The following SPPL2A variants were observed in gnomAD, a reference collection of about 807,000 sequenced individuals.
SPPL2A encodes signal peptide peptidase like 2A.
In SPPL2A, 51 loss-of-function variants were observed where a neutral mutation model predicts 63.8. The ratio of observed to expected loss-of-function variants is 0.80; its 90% CI spans 0.64 to 1.01. The LOEUF is 1.01. SPPL2A is among the 50% of genes least tolerant of loss of function. The probability of loss-of-function intolerance (pLI) is 0.00; values close to 1 mark genes in which losing one functional copy is unlikely to be tolerated. For missense variants in SPPL2A, 553 were observed against 622.7 expected (o/e 0.89, Z 1.19); for synonymous variants, 188 against 205.8 (o/e 0.91, Z 0.74).
chr15:50,726,024 G>C (rs1247365558), intron 11 of SPPL2A: 1 of 1,205,714 alleles, frequency 8.3e-7, no homozygotes, highest in Non-Finnish European at 1.1e-6. Flanking sequence ...TCTTGTCTCA[G>C]AGGGTATGAT....
chr15:50,713,532 T>G (rs2062576616), intron 14 of SPPL2A, among the ~76,000 whole-genome samples: 1 of 152,116 alleles, frequency 6.6e-6, no homozygotes, highest in South Asian at 2.1e-4. Context: ...CCCAAAGTGC[T>G]GGGATTACAG....
At position 50,748,694 on chromosome 15, in the gene SPPL2A, A is replaced by G. The variant is rs2141052059; in HGVS notation, c.354T>C (p.Ser118=). ...GATTGTTTTTATAACTTACTAGGAC[A>G]CTGTTATTGACAACTAACATTGCTT... ...GAEAMLVVNN[S]VLFPPSGNRS... is the part of the protein sequence containing the mutation. The change falls in exon 3 of 15, where the codon AGT becomes AGC. Residue 118 remains serine (S), a synonymous_variant. Transcript: ENST00000261854. The G allele has an allele frequency of 1.3e-6, 2 of 1,581,882 alleles. No individual in the cohort carries two copies. The highest frequency in any genetic ancestry group is 1.7e-6 in the Non-Finnish European group (2 of 1,166,864).
intron 12 of SPPL2A, 44 bp downstream of exon 12, chr15:50,725,174 AATC>A (rs1394425892): frequency 9.0e-7 from 1 of 1,110,944 alleles, no homozygotes; most frequent in Non-Finnish European, 1.4e-6. Flanking sequence ...GACGATTTAA[AATC>A]ATCAGTGTTT....
chr15:50,715,088 G>A (rs1293494331), intron 14 of SPPL2A, among the ~76,000 whole-genome samples: 3 of 151,664 alleles, frequency 2.0e-5, no homozygotes, highest in Admixed American at 6.6e-5. Context: ...TGCCTCCCAG[G>A]TTCAAAAGAT....
At chr15:50,748,458 G>C (rs1004672673) in intron 3 of SPPL2A, among the ~76,000 whole-genome samples, 2 of 150,884 alleles carry the variant, frequency 1.3e-5, no homozygotes, top group Non-Finnish European at 2.9e-5. Flanking sequence ...CTATATATAT[G>C]CATATATATA....
intron 2 of SPPL2A, 66 bp downstream of exon 2, chr15:50,749,570 G>A (rs971588199): frequency 5.7e-5 from 60 of 1,049,128 alleles, no homozygotes; most frequent in Non-Finnish European, 7.9e-5. Context: ...ACAGGCATGA[G>A]CCACCGTGCC....
intron 1 of SPPL2A, among the ~76,000 whole-genome samples, chr15:50,753,179 T>TA: frequency 6.6e-6 from 1 of 152,306 alleles, no homozygotes; most frequent in Non-Finnish European, 1.5e-5. Flanking sequence ...TAGTGAGTTT[T>TA]AGAGTGATAT....
chr15:50,713,071 C>T (rs903970892), intron 14 of SPPL2A, among the ~76,000 whole-genome samples: 4 of 152,022 alleles, frequency 2.6e-5, no homozygotes, highest in African/African-American at 9.7e-5. Flanking sequence ...TTAAGTTATT[C>T]GTCAGAACTG....
At chr15:50,755,242 C>T (rs1234887398) in intron 1 of SPPL2A, among the ~76,000 whole-genome samples, 1 of 151,646 alleles carries the variant, frequency 6.6e-6, no homozygotes, top group Non-Finnish European at 1.5e-5. Context: ...CGCTTGAACC[C>T]GGGAGGCAGA....
At position 50,703,260 on chromosome 15, in the gene SPPL2A, AT is replaced by A. The variant is rs2062487714; in HGVS notation, c.*4539del. The A allele has an allele frequency of 6.8e-6, 1 of 146,366 alleles. No individual in the cohort carries two copies. The highest frequency in any genetic ancestry group is 7.0e-5 in the Admixed American group (1 of 14,366). The allele number at this position is 146,366 out of a possible 1,614,324, so 9.1% of individuals were successfully genotyped here. ...CTGAAGTACAGTTTTTGTTTTTGAA[AT>A]TTCATTGGTTAAGATCAGGCTGAAA... On this transcript the variant is annotated 3_prime_UTR_variant, in exon 15 of 15. Transcript: ENST00000261854.
intron 14 of SPPL2A, among the ~76,000 whole-genome samples, chr15:50,708,861 G>A (rs958496682): frequency 9.3e-5 from 14 of 150,852 alleles, no homozygotes; most frequent in Admixed American, 1.3e-4. Context: ...GTGAAACCCC[G>A]TTTCTACAAA....
chr15:50,753,445 T>G (rs569253387), intron 1 of SPPL2A, among the ~76,000 whole-genome samples: 2 of 152,220 alleles, frequency 1.3e-5, no homozygotes, highest in Non-Finnish European at 2.9e-5. Flanking sequence ...ACAATAGATA[T>G]GGTAGAAAGG....
Position 50,762,658 on chromosome 15 carries a change from C to T in SPPL2A, c.66+2810G>A, listed in dbSNP as rs1326559886. Among the ~76,000 whole-genome samples, 5 of 151,810 alleles carry T rather than the reference C, an allele frequency of 3.3e-5. No individual in the cohort carries two copies. In the East Asian group the frequency reaches 7.7e-4, roughly 24 times the overall value. Reference sequence around the variant, plus strand: ...AGTGGTTTCTGAAGACTACGTGCTGCTTCCATTATAGATGAGGATGTTGGC... The same window carrying T: ...AGTGGTTTCTGAAGACTACGTGCTGTTTCCATTATAGATGAGGATGTTGGC... On this transcript the variant is annotated intron_variant, in intron 1 of 14. Coordinates refer to ENST00000261854, the MANE Select transcript of SPPL2A (RefSeq NM_032802.4).
intron 2 of SPPL2A, among the ~76,000 whole-genome samples, chr15:50,749,274 T>C (rs1333397397): frequency 6.6e-6 from 1 of 152,142 alleles, no homozygotes; most frequent in Non-Finnish European, 1.5e-5. Context: ...TCAGCCATTG[T>C]ACACAGCCTT....
Position 50,729,103 on chromosome 15 carries a change from C to T in SPPL2A, c.1089+1862G>A, listed in dbSNP as rs573636761. On this transcript the variant is annotated intron_variant, in intron 10 of 14. Transcript: ENST00000261854. ...TGCTGGGATTACAGGCGTGAGCCAC[C>T]GCACCCGGCCTCTTAATTATTGTAT... is the stretch of plus-strand genomic sequence containing the variant. 1.8e-4 allele frequency among the ~76,000 whole-genome samples: 27 copies of T among 152,206 alleles called. No homozygotes were observed. In the South Asian group the frequency reaches 2.5e-3, roughly 14 times the overall value.
intron 8 of SPPL2A, among the ~76,000 whole-genome samples, chr15:50,735,669 G>A (rs1038546835): frequency 4.6e-5 from 7 of 151,872 alleles, no homozygotes; most frequent in East Asian, 1.9e-4. Flanking sequence ...TCCGCCTCCC[G>A]GGTTCAAGCG....
intron 1 of SPPL2A, among the ~76,000 whole-genome samples, chr15:50,762,429 GCT>G (rs2063020565): frequency 6.6e-6 from 1 of 151,196 alleles, no homozygotes; most frequent in Non-Finnish European, 1.5e-5. Flanking sequence ...TCAAGACACA[GCT>G]AACTACCTGC....
intron 8 of SPPL2A, among the ~76,000 whole-genome samples, chr15:50,734,297 T>C (rs150099274): frequency 6.6e-6 from 1 of 152,202 alleles, no homozygotes; most frequent in East Asian, 1.9e-4. Flanking sequence ...TATATATAAT[T>C]TTACAAATAC....
chr15:50,741,436 T>A (rs2062819407), intron 5 of SPPL2A, among the ~76,000 whole-genome samples: 1 of 151,766 alleles, frequency 6.6e-6, no homozygotes, highest in Non-Finnish European at 1.5e-5. Flanking sequence ...CACCTCCCCC[T>A]GAAACTCCAG....
Sources: gnomAD v4.1 joint callset for allele counts (sites outside exome capture counted in the v4.1 genomes callset) on GRCh38, gnomAD v4.1.1 for gene constraint, MANE v1.5 for transcripts, NCBI Gene and HGNC (gene_info 2026-07-23, HGNC 2026-07-21) for gene names.